TNC: variants seen among roughly 807,000 people sequenced by gnomAD.
TNC encodes tenascin.
A neutral mutation model predicts 202.4 loss-of-function variants in TNC; 109 were observed. That is an observed-to-expected ratio of 0.54 (90% CI 0.46 to 0.63). The LOEUF (loss-of-function observed/expected upper bound fraction) is 0.63. TNC is among the 30% of genes least tolerant of loss of function. The pLI is 0.00. For missense variants in TNC, 2,756 were observed against 2,833.3 expected (o/e 0.97, Z 0.62); for synonymous variants, 1,007 against 1,089.7 (o/e 0.92, Z 1.50).
At chr9:115,050,252 T>C (rs79476914) in intron 15 of TNC, among the ~76,000 whole-genome samples, 19,443 of 152,222 alleles carry the variant, frequency 0.13, 1,318 homozygotes, top group Middle Eastern at 0.21. Context: ...GTTTTGTTTT[T>C]TTCTTTTTTA....
chr9:115,064,440 A>G (rs902574333), intron 11 of TNC, among the ~76,000 whole-genome samples: 13 of 152,268 alleles, frequency 8.5e-5, no homozygotes, highest in African/African-American at 3.1e-4. Flanking sequence ...TGAGCTCTGT[A>G]CAACTCCCAA....
chr9:115,091,129 C>T lies in TNC; in HGVS notation c.-111G>A. 1.2e-6 allele frequency: 1 copy of T among 811,606 alleles called. No homozygotes were observed. The highest frequency in any genetic ancestry group is 1.9e-6 in the Non-Finnish European group (1 of 525,686). 50.3% of individuals were successfully genotyped at this position (811,606 alleles called of 1,614,324 possible). Reference sequence around the variant, plus strand: ...CAGAGTAGACTTCAAATCAGTTGTCCCTGATCTTCTTGAAAGAATTATTTT... The same window carrying T: ...CAGAGTAGACTTCAAATCAGTTGTCTCTGATCTTCTTGAAAGAATTATTTT... On this transcript the variant is annotated 5_prime_UTR_variant, in exon 2 of 28. Coordinates refer to ENST00000350763, the MANE Select transcript of TNC (RefSeq NM_002160.4).
intron 1 of TNC, among the ~76,000 whole-genome samples, chr9:115,115,661 C>T (rs1588260239): frequency 6.6e-6 from 1 of 152,140 alleles, no homozygotes; most frequent in East Asian, 1.9e-4. Context: ...TGTGGACTTG[C>T]TCTTACTTCT....
At position 115,046,098 on chromosome 9, in the gene TNC, G is replaced by A. The variant is rs534060281; in HGVS notation, c.5125+312C>T. ...AAAAAAAAAAGATGATAATTGTAAC[G>A]ATGATGATGCATTAATGGCAACGTG... On this transcript the variant is annotated intron_variant, in intron 17 of 27. Transcript: ENST00000350763. Among the ~76,000 whole-genome samples the A allele has an allele frequency of 3.9e-5, 6 of 152,226 alleles. No individual in the cohort carries two copies. The South Asian group carries it at 1.2e-3, about 32-fold the overall frequency.
intron 1 of TNC, among the ~76,000 whole-genome samples, chr9:115,113,738 A>G (rs939557662): frequency 1.1e-4 from 17 of 152,208 alleles, no homozygotes; most frequent in Non-Finnish European, 2.1e-4. Context: ...CGTGGCATGA[A>G]ATACATATTT....
At chr9:115,025,785 A>C (rs541286250) in intron 26 of TNC, among the ~76,000 whole-genome samples, 3 of 152,234 alleles carry the variant, frequency 2.0e-5, no homozygotes, top group Middle Eastern at 3.2e-3. Flanking sequence ...GCCTTAATAC[A>C]TGTTGTTTCC....
At chr9:115,080,428 T>C (rs1167853863) in intron 6 of TNC, among the ~76,000 whole-genome samples, 1 of 152,206 alleles carries the variant, frequency 6.6e-6, no homozygotes, top group Non-Finnish European at 1.5e-5. Flanking sequence ...GAATTGGCTC[T>C]GAGCTAGGCA....
At position 115,076,453 on chromosome 9, in the gene TNC, C is replaced by T. The variant is rs1259197648; in HGVS notation, c.2797G>A (p.Gly933Arg). ...YRIKYAPISG[G>R]DHAEVDVPKS... ...GGAACATCAACCTCAGCGTGGTCCC[C>T]TCCAGAGATGGGGGCATACTTAATT... The change falls in exon 8 of 28, where the codon GGG becomes AGG. Residue 933 changes from glycine (G) to arginine (R), a missense_variant. This residue lies in a region of TNC where 2,559 missense variants were observed against 2,546.0 expected (regional missense o/e 1.01). Coordinates refer to ENST00000350763, the MANE Select transcript of TNC (RefSeq NM_002160.4). 1.2e-6 allele frequency: 2 copies of T among 1,614,186 alleles called. No homozygotes were observed. The highest frequency in any genetic ancestry group is 1.6e-4 in the Middle Eastern group (1 of 6,062).
At chr9:115,042,430 C>T in intron 17 of TNC, 89 bp from the exon 18 acceptor site, 4 of 1,539,528 alleles carry the variant, frequency 2.6e-6, no homozygotes, top group Non-Finnish European at 3.5e-6. Flanking sequence ...TTTAGGAAAA[C>T]TCAGTGCCTA....
intron 15 of TNC, chr9:115,053,164 C>A: frequency 1.7e-6 from 1 of 583,760 alleles, no homozygotes; most frequent in South Asian, 2.2e-5. Flanking sequence ...TCTACACCTG[C>A]ATTGAATATG....
At chr9:115,116,391 G>T (rs1001552575) in intron 1 of TNC, among the ~76,000 whole-genome samples, 1 of 152,166 alleles carries the variant, frequency 6.6e-6, no homozygotes, top group African/African-American at 2.4e-5. Context: ...AAAGCACGCT[G>T]ACTTACATCT....
intron 4 of TNC, among the ~76,000 whole-genome samples, chr9:115,083,981 C>G (rs1408764583): frequency 3.3e-5 from 5 of 152,156 alleles, no homozygotes; most frequent in Non-Finnish European, 7.3e-5. Context: ...CTAAATGTTA[C>G]TTGTAATGAT....
intron 1 of TNC, among the ~76,000 whole-genome samples, chr9:115,097,921 C>A (rs541173279): frequency 1.4e-4 from 22 of 152,284 alleles, no homozygotes; most frequent in Middle Eastern, 3.4e-3. Context: ...ACTCAGTAAG[C>A]AATATGGCAC....
At chr9:115,041,592 G>T (rs1296617088) in intron 18 of TNC, among the ~76,000 whole-genome samples, 1 of 152,180 alleles carries the variant, frequency 6.6e-6, no homozygotes, top group African/African-American at 2.4e-5. Flanking sequence ...GAATTTGGGG[G>T]CTAGTGAAGA....
chr9:115,070,320 A>G (rs1190507498), intron 10 of TNC, among the ~76,000 whole-genome samples: 1 of 152,092 alleles, frequency 6.6e-6, no homozygotes, highest in African/African-American at 2.4e-5. Flanking sequence ...AGTGCTGGGA[A>G]AAGAGTGGTA....
Position 115,042,235 on chromosome 9 carries a change from A to G in TNC, c.5232T>C (p.Tyr1744=). ...GTCTCCTACCTCCTGTAATGGGCAC[A>G]TAGGTAATCCGGAAGCTCTCCACTT... ...TAQVESFRIT[Y]VPITGGTPSM... The change falls in exon 18 of 28, where the codon TAT becomes TAC. Residue 1744 remains tyrosine, a synonymous_variant. Coordinates refer to ENST00000350763, the MANE Select transcript of TNC (RefSeq NM_002160.4). 1 of 1,614,068 alleles carries G rather than the reference A, an allele frequency of 6.2e-7. No individual in the cohort carries two copies. The highest frequency in any genetic ancestry group is 8.5e-7 in the Non-Finnish European group (1 of 1,179,956).
chr9:115,061,589 A>G (rs969057997), intron 13 of TNC, among the ~76,000 whole-genome samples: 8 of 152,172 alleles, frequency 5.3e-5, no homozygotes, highest in African/African-American at 1.9e-4. Flanking sequence ...TATTTTTGGA[A>G]TTTTATGTAG....
chr9:115,068,196 A>T (rs1056915604), intron 10 of TNC, among the ~76,000 whole-genome samples: 3 of 152,204 alleles, frequency 2.0e-5, no homozygotes, highest in Non-Finnish European at 4.4e-5. Context: ...TAGATTCCAC[A>T]CTGAATTTCT....
chr9:115,041,027 A>C lies in TNC; in HGVS notation c.5306T>G (p.Leu1769Arg). The C allele has an allele frequency of 1.2e-6, 2 of 1,614,078 alleles. No homozygotes were observed. Reference protein sequence around the residue: ...GTKTQTRLVKLIPGVEYLVSI... With the variant: ...GTKTQTRLVKRIPGVEYLVSI... ...GACAAGGTACTCCACGCCAGGTATG[A>C]GTTTCACCAGCCTGGTCTGAGTCTT... Residue 1769 changes from leucine (L) to arginine (R), a missense_variant, in exon 19 of 28, where the codon CTC becomes CGC. By Grantham distance (102) the Leu-to-Arg change is moderately radical. Transcript: ENST00000350763.
Sources: gnomAD v4.1 joint callset for allele counts (sites outside exome capture counted in the v4.1 genomes callset) on GRCh38, gnomAD v4.1.1 for gene constraint, gnomAD v4.1.1 regional missense constraint, MANE v1.5 for transcripts, NCBI Gene and HGNC (gene_info 2026-07-23, HGNC 2026-07-21) for gene names.